EYA2: variants seen among roughly 807,000 people sequenced by gnomAD.
EYA2 encodes the protein protein phosphatase EYA2.
In EYA2, 31 loss-of-function variants were observed where a neutral mutation model predicts 69.2. The observed-to-expected ratio is 0.45, with a 90% CI of 0.34 to 0.60. The LOEUF is 0.60. Among genes scored for constraint, EYA2 ranks in the 20% least tolerant of loss-of-function variants. The pLI is 0.02. For missense variants in EYA2, 622 were observed against 701.2 expected (o/e 0.89, Z 1.28); for synonymous variants, 257 against 279.4 (o/e 0.92, Z 0.80).
At chr20:47,131,902 G>A (rs938312567) in intron 9 of EYA2, among the ~76,000 whole-genome samples, 1 of 152,168 alleles carries the variant, frequency 6.6e-6, no homozygotes, top group Non-Finnish European at 1.5e-5. Flanking sequence ...CATTTATGGT[G>A]ACTACACCAG....
intron 1 of EYA2, among the ~76,000 whole-genome samples, chr20:46,895,350 C>T (rs1345731538): frequency 1.3e-5 from 2 of 152,204 alleles, no homozygotes; most frequent in African/African-American, 4.8e-5. Context: ...ATGGTCCCGG[C>T]GGTTCGCGAT....
chr20:47,144,844 G>A (rs901514276), intron 10 of EYA2, among the ~76,000 whole-genome samples: 7 of 152,212 alleles, frequency 4.6e-5, no homozygotes, highest in African/African-American at 1.7e-4. Context: ...CTCGCTTCAC[G>A]ATGACGTCTA....
At chr20:47,134,617 G>C (rs2033417406) in intron 9 of EYA2, among the ~76,000 whole-genome samples, 1 of 150,330 alleles carries the variant, frequency 6.7e-6, no homozygotes, top group Admixed American at 6.6e-5. Context: ...AACTGGAATA[G>C]GTGTTCACCA....
intron 2 of EYA2, among the ~76,000 whole-genome samples, chr20:46,993,798 T>A (rs1339301733): frequency 6.6e-6 from 1 of 151,990 alleles, no homozygotes; most frequent in African/African-American, 2.4e-5. Context: ...TTAGGGTGGC[T>A]AGAAAAGAGG....
intron 4 of EYA2, among the ~76,000 whole-genome samples, chr20:47,006,052 CT>C (rs1377415178): frequency 6.6e-6 from 1 of 152,262 alleles, no homozygotes; most frequent in African/African-American, 2.4e-5. Context: ...TCAGCCTCTG[CT>C]TCCCTTTCTG....
intron 5 of EYA2, among the ~76,000 whole-genome samples, chr20:47,033,680 T>C (rs1315425470): frequency 6.6e-6 from 1 of 152,176 alleles, no homozygotes; most frequent in Admixed American, 6.5e-5. Context: ...GTGGAAATGA[T>C]CATGTCATGC....
chr20:47,072,089 G>T, intron 5 of EYA2, 96 bp from the exon 6 acceptor site: 1 of 1,124,160 alleles, frequency 8.9e-7, no homozygotes, highest in Non-Finnish European at 1.4e-6. Flanking sequence ...CACCCTTGAA[G>T]CCACATGGAG....
intron 1 of EYA2, among the ~76,000 whole-genome samples, chr20:46,986,247 C>T (rs886960544): frequency 5.4e-5 from 8 of 149,398 alleles, no homozygotes; most frequent in African/African-American, 2.0e-4. Context: ...TAGGACTCAA[C>T]ATTTATATAA....
At chr20:47,025,031 A>G (rs1485635278) in intron 5 of EYA2, among the ~76,000 whole-genome samples, 1 of 152,090 alleles carries the variant, frequency 6.6e-6, no homozygotes, top group Non-Finnish European at 1.5e-5. Context: ...ATTTTGGGAG[A>G]ACTAATTTTG....
Position 47,005,752 on chromosome 20 carries a change from A to G in EYA2, c.298+668A>G, listed in dbSNP as rs1023524569. Among the ~76,000 whole-genome samples, 20 of 152,350 alleles carry G rather than the reference A, an allele frequency of 1.3e-4. No homozygotes were observed. The Middle Eastern group carries it at 0.02, about 155-fold the overall frequency. ...GGATGTGGTGGAGGACGGGGCAGAA[A>G]CAACAGACCTCCAGCCCTTGACTGT... On this transcript the variant is annotated intron_variant, in intron 4 of 15. Transcript: ENST00000327619.
chr20:46,953,115 C>T (rs548224776), intron 1 of EYA2, among the ~76,000 whole-genome samples: 14 of 152,250 alleles, frequency 9.2e-5, no homozygotes, highest in East Asian at 3.9e-4. Flanking sequence ...TTGGAAAACA[C>T]GAAAGGGAGA....
chr20:47,156,143 T>C (rs764731191), intron 10 of EYA2, among the ~76,000 whole-genome samples: 599 of 15,730 alleles, frequency 0.038, 2 homozygotes, highest in African/African-American at 0.072. Context: ...TATATATATA[T>C]ATATATATAT....
chr20:47,104,449 A>G (rs1600711831), intron 9 of EYA2, among the ~76,000 whole-genome samples: 1 of 152,042 alleles, frequency 6.6e-6, no homozygotes. Flanking sequence ...AGTGCAATTT[A>G]TGTATATTTT....
chr20:47,125,667 G>A (rs2033171396), intron 9 of EYA2, among the ~76,000 whole-genome samples: 1 of 152,170 alleles, frequency 6.6e-6, no homozygotes, highest in African/African-American at 2.4e-5. Context: ...TCTCTGTTGT[G>A]TGTTAATCCA....
intron 9 of EYA2, among the ~76,000 whole-genome samples, chr20:47,124,137 G>A (rs959250997): frequency 6.6e-6 from 1 of 152,192 alleles, no homozygotes; most frequent in Admixed American, 6.5e-5. Context: ...GGGTGCTGAT[G>A]ACAAGTGACA....
At chr20:46,990,690 C>T (rs1475160625) in intron 2 of EYA2, among the ~76,000 whole-genome samples, 1 of 152,238 alleles carries the variant, frequency 6.6e-6, no homozygotes, top group East Asian at 1.9e-4. Flanking sequence ...TCAGATCTGT[C>T]AGCCTTCCTG....
chr20:46,957,227 C>T (rs905759548), intron 1 of EYA2, among the ~76,000 whole-genome samples: 5 of 152,186 alleles, frequency 3.3e-5, no homozygotes, highest in South Asian at 4.1e-4. Context: ...TTTACCCCTG[C>T]GGGTTACTGT....
chr20:47,135,696 T>C (rs1418853175), intron 9 of EYA2, among the ~76,000 whole-genome samples: 1 of 151,430 alleles, frequency 6.6e-6, no homozygotes, highest in Non-Finnish European at 1.5e-5. Context: ...AAGTGCTGCA[T>C]GCTTGAAACA....
At chr20:46,943,378 T>C (rs990671481) in intron 1 of EYA2, among the ~76,000 whole-genome samples, 1 of 152,214 alleles carries the variant, frequency 6.6e-6, no homozygotes, top group African/African-American at 2.4e-5. Context: ...CTTGTGTTTG[T>C]TGAATGACTA....
Sources: allele counts gnomAD v4.1 joint callset (sites outside exome capture counted in the v4.1 genomes callset), GRCh38; gene constraint gnomAD v4.1.1; transcripts MANE v1.5; gene names NCBI Gene and HGNC (gene_info 2026-07-23, HGNC 2026-07-21).